The following CCDC175 variants were observed in gnomAD, a reference collection of about 807,000 sequenced individuals.
CCDC175 encodes coiled-coil domain-containing protein 175.
Under a neutral mutation model 114.6 loss-of-function variants are expected in CCDC175, and 100 were observed. The ratio of observed to expected loss-of-function variants is 0.87; its 90% CI spans 0.74 to 1.03. The LOEUF (loss-of-function observed/expected upper bound fraction) is 1.03. CCDC175 is among the 50% of genes least tolerant of loss of function. The probability of loss-of-function intolerance (pLI) is 0.00; values close to 1 mark genes in which losing one functional copy is unlikely to be tolerated. For missense variants in CCDC175, 880 were observed against 917.8 expected (o/e 0.96, Z 0.53); for synonymous variants, 306 against 308.7 (o/e 0.99, Z 0.09).
chr14:59,570,154 T>C (rs12891261), intron 3 of CCDC175, among the ~76,000 whole-genome samples: 48,608 of 151,048 alleles, frequency 0.32, 8,290 homozygotes, highest in African/African-American at 0.44. Context: ...AGGTGCCTCA[T>C]TGGTGGCTGA....
intron 8 of CCDC175, among the ~76,000 whole-genome samples, chr14:59,546,235 T>C (rs545074224): frequency 6.6e-6 from 1 of 152,326 alleles, no homozygotes; most frequent in South Asian, 2.1e-4. Context: ...AAATACTGCA[T>C]ATTCTCATTT....
intron 1 of CCDC175, among the ~76,000 whole-genome samples, chr14:59,576,039 TCTTACCTTAAG>T (rs1255785253): frequency 6.6e-6 from 1 of 152,216 alleles, no homozygotes; most frequent in East Asian, 1.9e-4. Flanking sequence ...TCTTGGATTG[TCTTACCTTAAG>T]CTTAAGTGAC....
At chr14:59,571,695 G>A (rs1183560209) in intron 3 of CCDC175, among the ~76,000 whole-genome samples, 2 of 152,102 alleles carry the variant, frequency 1.3e-5, no homozygotes, top group African/African-American at 2.4e-5. Context: ...AAATGGTGCA[G>A]CCACTGTTGA....
At chr14:59,533,745 T>C in intron 13 of CCDC175, among the ~76,000 whole-genome samples, 1 of 152,048 alleles carries the variant, frequency 6.6e-6, no homozygotes, top group African/African-American at 2.4e-5. Flanking sequence ...TCCCAGCACT[T>C]TGGGAGGCAG....
Position 59,528,771 on chromosome 14 carries a change from G to C in CCDC175, c.1763-1597C>G, listed in dbSNP as rs1217089388. 4.0e-5 allele frequency among the ~76,000 whole-genome samples: 6 copies of C among 151,490 alleles called. No homozygotes were observed. The East Asian group carries it at 9.7e-4, about 24-fold the overall frequency. On this transcript the variant is annotated intron_variant, in intron 14 of 19. Coordinates refer to ENST00000537690, the MANE Select transcript of CCDC175 (RefSeq NM_001164399.2). ...TTCCTCATCTCTTTTTGTTGTTGTT[G>C]CTCTATTTTTACAGAGATTTTCTTA...
At chr14:59,543,647 T>C (rs1329909724) in intron 9 of CCDC175, among the ~76,000 whole-genome samples, 193 bp from the exon 10 acceptor site, 1 of 152,202 alleles carries the variant, frequency 6.6e-6, no homozygotes, top group African/African-American at 2.4e-5. Context: ...TTTTTTCAAA[T>C]TTTTTCCCAG....
intron 8 of CCDC175, among the ~76,000 whole-genome samples, chr14:59,550,386 C>T (rs1347876340): frequency 2.0e-5 from 3 of 152,096 alleles, no homozygotes; most frequent in Non-Finnish European, 4.4e-5. Context: ...GGTTTACTCA[C>T]ATGATTATCT....
intron 8 of CCDC175, among the ~76,000 whole-genome samples, chr14:59,546,535 C>T (rs569463633): frequency 4.5e-4 from 69 of 152,274 alleles, no homozygotes; most frequent in Admixed American, 9.2e-4. Context: ...GAATCCAGAG[C>T]GGTAAGGCTA....
chr14:59,558,700 A>G (rs879294535), intron 7 of CCDC175, among the ~76,000 whole-genome samples: 6 of 152,198 alleles, frequency 3.9e-5, no homozygotes, highest in African/African-American at 7.2e-5. Flanking sequence ...ATATCTATAT[A>G]AGACAGATAT....
chr14:59,576,679 A>G lies in CCDC175; in HGVS notation c.97T>C (p.Leu33=), dbSNP rs1343843066. The G allele has an allele frequency of 2.0e-6, 3 of 1,485,850 alleles. No homozygotes were observed. Among genetic ancestry groups the G allele is most frequent in the Non-Finnish European group, 2.7e-6 (3 of 1,125,738 alleles). The allele number at this position is 1,485,850 out of a possible 1,614,324, so 92.0% of individuals were successfully genotyped here. Residue 33 remains leucine (L), a synonymous_variant, in exon 1 of 20, where the codon TTA becomes CTA. Transcript: ENST00000537690. ...ACCGAGGAGCCCAGGGTGGAGGGTAAGGTGCATAACTCCAGGGAGGGGCCA... is the reference window on the plus strand; with the variant it reads ...ACCGAGGAGCCCAGGGTGGAGGGTAGGGTGCATAACTCCAGGGAGGGGCCA... The part of the protein sequence containing the change: ...STGPSLELCT[L]PSTLGSSVAV...
chr14:59,537,946 G>T, intron 13 of CCDC175, 77 bp downstream of exon 13: 4 of 980,316 alleles, frequency 4.1e-6, no homozygotes, highest in South Asian at 1.8e-5. Flanking sequence ...TAACTGATTA[G>T]AATAGCATGA....
intron 16 of CCDC175, among the ~76,000 whole-genome samples, chr14:59,523,851 T>C (rs934941608): frequency 2.0e-5 from 3 of 152,054 alleles, no homozygotes; most frequent in Non-Finnish European, 2.9e-5. Context: ...TAGCCGGGCA[T>C]GGTGGCGGGC....
chr14:59,524,558 A>C (rs1158629116), intron 16 of CCDC175, among the ~76,000 whole-genome samples: 1 of 152,212 alleles, frequency 6.6e-6, no homozygotes, highest in Non-Finnish European at 1.5e-5. Context: ...AGAATGGTTA[A>C]ATTGAAAAAG....
intron 4 of CCDC175, among the ~76,000 whole-genome samples, chr14:59,566,080 A>T (rs1896522530): frequency 6.6e-6 from 1 of 152,196 alleles, no homozygotes; most frequent in African/African-American, 2.4e-5. Context: ...GAAACTAGGG[A>T]AAGAAAAGAG....
intron 17 of CCDC175, among the ~76,000 whole-genome samples, chr14:59,513,258 A>G (rs1332683521): frequency 6.6e-6 from 1 of 152,188 alleles, no homozygotes; most frequent in African/African-American, 2.4e-5. Context: ...AAGACGGGTG[A>G]TTTCTGCATT....
intron 14 of CCDC175, among the ~76,000 whole-genome samples, chr14:59,527,547 T>C (rs1031070684): frequency 2.0e-5 from 3 of 152,184 alleles, no homozygotes; most frequent in Non-Finnish European, 4.4e-5. Flanking sequence ...TTTAAATAAA[T>C]TGTAACCATT....
intron 15 of CCDC175, among the ~76,000 whole-genome samples, chr14:59,526,034 A>G (rs1893714390): frequency 6.6e-6 from 1 of 152,192 alleles, no homozygotes; most frequent in Non-Finnish European, 1.5e-5. Flanking sequence ...GCAAAAATAG[A>G]GAAGGGGAAA....
intron 8 of CCDC175, among the ~76,000 whole-genome samples, chr14:59,546,466 AT>A (rs1171777645): frequency 9.8e-5 from 15 of 152,354 alleles, no homozygotes; most frequent in African/African-American, 3.4e-4. Flanking sequence ...ATCTAAAAAA[AT>A]AAAAATAAAA....
chr14:59,509,092 T>C (rs12433783), intron 19 of CCDC175, among the ~76,000 whole-genome samples: 71,091 of 151,994 alleles, frequency 0.47, 18,668 homozygotes, highest in East Asian at 0.8. Flanking sequence ...AAATATGATA[T>C]TAGTAATTCA....
Sources: allele counts gnomAD v4.1 joint callset (sites outside exome capture counted in the v4.1 genomes callset), GRCh38; gene constraint gnomAD v4.1.1; transcripts MANE v1.5; gene names NCBI Gene and HGNC (gene_info 2026-07-23, HGNC 2026-07-21).